The following MTF2 variants were observed in gnomAD, a reference collection of about 807,000 sequenced individuals.
MTF2 encodes metal-response element-binding transcription factor 2.
Under a neutral mutation model 79.5 loss-of-function variants are expected in MTF2, and 11 were observed. That is an observed-to-expected ratio of 0.14 (90% CI 0.09 to 0.23). The LOEUF (loss-of-function observed/expected upper bound fraction) is 0.23. Ranked by LOEUF, MTF2 falls within the 10% of genes least tolerant of loss-of-function variation. The pLI is 1.00. For missense variants in MTF2, 486 were observed against 711.2 expected (o/e 0.68, Z 3.60); for synonymous variants, 208 against 232.8 (o/e 0.89, Z 0.97).
At chr1:93,101,574 T>TTTTTTTG (rs1655540693) in intron 1 of MTF2, among the ~76,000 whole-genome samples, 3 of 88,258 alleles carry the variant, frequency 3.4e-5, no homozygotes, top group Admixed American at 1.2e-4. Context: ...GCTGGTTTTT[T>TTTTTTTG]TTTTTTTTTT....
chr1:93,088,436 A>G (rs1043719688), intron 1 of MTF2, among the ~76,000 whole-genome samples: 6 of 152,184 alleles, frequency 3.9e-5, no homozygotes, highest in African/African-American at 1.4e-4. Flanking sequence ...GGGTATTGTG[A>G]TGTAAAGATT....
intron 3 of MTF2, among the ~76,000 whole-genome samples, chr1:93,111,893 T>C (rs1157937576): frequency 6.6e-6 from 1 of 152,184 alleles, no homozygotes; most frequent in Non-Finnish European, 1.5e-5. Context: ...TTTACTCCCC[T>C]TCCATTAGCT....
At chr1:93,120,322 G>C in intron 8 of MTF2, 1 of 190,232 alleles carries the variant, frequency 5.3e-6, no homozygotes, top group East Asian at 1.5e-4. Flanking sequence ...AAAAAAAAAA[G>C]AAGTAATTCA....
intron 1 of MTF2, among the ~76,000 whole-genome samples, chr1:93,088,336 A>G (rs1270741024): frequency 3.3e-5 from 5 of 152,118 alleles, no homozygotes; most frequent in Non-Finnish European, 7.3e-5. Flanking sequence ...TGGTGTTTTA[A>G]GTCTGTAGTT....
At chr1:93,118,224 T>G in intron 6 of MTF2, 121 bp from the exon 7 acceptor site, 1 of 512,200 alleles carries the variant, frequency 2.0e-6, no homozygotes, top group Non-Finnish European at 3.3e-6. Flanking sequence ...AGTAGAAATG[T>G]GATGCTTTAA....
intron 1 of MTF2, among the ~76,000 whole-genome samples, chr1:93,082,732 T>G (rs1023623402): frequency 1.3e-5 from 2 of 152,210 alleles, no homozygotes; most frequent in Admixed American, 6.5e-5. Flanking sequence ...ATGCATTCTT[T>G]GAAGGTGTAC....
At chr1:93,134,217 T>C in intron 14 of MTF2, 22 bp downstream of exon 14, 1 of 1,441,264 alleles carries the variant, frequency 6.9e-7, no homozygotes, top group Non-Finnish European at 9.6e-7. Context: ...ACATTCTTAT[T>C]TTTTTTACTT....
intron 1 of MTF2, among the ~76,000 whole-genome samples, chr1:93,083,300 G>T (rs1000690603): frequency 6.6e-6 from 1 of 152,176 alleles, no homozygotes; most frequent in Admixed American, 6.5e-5. Flanking sequence ...CAATGTTGGG[G>T]GTTACAATTT....
chr1:93,122,902 GTT>G (rs1656536656), intron 9 of MTF2, among the ~76,000 whole-genome samples: 1 of 151,970 alleles, frequency 6.6e-6, no homozygotes, highest in Admixed American at 6.6e-5. Context: ...TTTATTCAGT[GTT>G]TTTCATTTAG....
At chr1:93,106,747 C>A (rs944063481) in intron 1 of MTF2, among the ~76,000 whole-genome samples, 1 of 152,120 alleles carries the variant, frequency 6.6e-6, no homozygotes, top group Non-Finnish European at 1.5e-5. Context: ...TCTTGAACTC[C>A]CAGCCTCAGG....
At chr1:93,119,707 A>C (rs1187662316) in intron 8 of MTF2, 1 of 221,032 alleles carries the variant, frequency 4.5e-6, no homozygotes, top group East Asian at 1.0e-4. Flanking sequence ...TAGAAGAGAG[A>C]TAGGTATAAC....
Position 93,138,352 on chromosome 1 carries a change from T to C in MTF2, c.*1325T>C, listed in dbSNP as rs1239525457. 1.3e-5 allele frequency: 2 copies of C among 152,198 alleles called. No individual in the cohort carries two copies. Among genetic ancestry groups the C allele is most frequent in the Admixed American group, 1.3e-4 (2 of 15,284 alleles). The allele number at this position is 152,198 out of a possible 1,614,324, so 9.4% of individuals were successfully genotyped here. ...TTTTGGTGGCTATTCATTTTACTTT[T>C]AAAAGTGATTGGTGGATTTTAGACT... On this transcript the variant is annotated 3_prime_UTR_variant, in exon 15 of 15. Coordinates refer to ENST00000370298, the MANE Select transcript of MTF2 (RefSeq NM_007358.4).
chr1:93,120,390 C>A, intron 8 of MTF2, 159 bp from the exon 9 acceptor site: 1 of 451,294 alleles, frequency 2.2e-6, no homozygotes, highest in Non-Finnish European at 3.6e-6. Flanking sequence ...TCACTATTTT[C>A]TAGTTATTTT....
intron 1 of MTF2, among the ~76,000 whole-genome samples, chr1:93,084,898 A>G (rs1654773377): frequency 6.6e-6 from 1 of 152,136 alleles, no homozygotes; most frequent in Admixed American, 6.5e-5. Flanking sequence ...GTATTAAAAG[A>G]AATACTTTGA....
intron 3 of MTF2, among the ~76,000 whole-genome samples, chr1:93,113,572 G>A (rs1453372524): frequency 1.3e-5 from 2 of 152,138 alleles, no homozygotes; most frequent in Admixed American, 6.5e-5. Flanking sequence ...GTAATACTAT[G>A]CAGCTATTAG....
chr1:93,108,946 A>G (rs922321232), intron 1 of MTF2, among the ~76,000 whole-genome samples: 2 of 152,174 alleles, frequency 1.3e-5, no homozygotes, highest in Non-Finnish European at 2.9e-5. Context: ...TTCACTTAGC[A>G]TAATGTCTTC....
chr1:93,094,053 A>G (rs373661751), intron 1 of MTF2, among the ~76,000 whole-genome samples: 5 of 152,300 alleles, frequency 3.3e-5, no homozygotes, highest in African/African-American at 1.2e-4. Context: ...ATCTCTTTGT[A>G]AACGTAGTAT....
chr1:93,127,112 A>G (rs1656730170), intron 9 of MTF2, 120 bp from the exon 10 acceptor site: 1 of 663,840 alleles, frequency 1.5e-6, no homozygotes, highest in East Asian at 2.8e-5. Flanking sequence ...ATTAGAACTT[A>G]GATCTTCTGA....
Position 93,137,104 on chromosome 1 carries a change from T to G in MTF2, c.*77T>G. ...TTCAAAGCCCTAAAGGAGTCTGGCT[T>G]TTACTATCTTTCTTAAAAAAAAAAA... On this transcript the variant is annotated 3_prime_UTR_variant, in exon 15 of 15. Coordinates refer to ENST00000370298, the MANE Select transcript of MTF2 (RefSeq NM_007358.4). 7.9e-7 allele frequency: 1 copy of G among 1,272,944 alleles called. No individual in the cohort carries two copies. The highest frequency in any genetic ancestry group is 1.1e-6 in the Non-Finnish European group (1 of 931,046). The allele number at this position is 1,272,944 out of a possible 1,614,324, so 78.9% of individuals were successfully genotyped here.
Sources: gnomAD v4.1 joint callset for allele counts (sites outside exome capture counted in the v4.1 genomes callset) on GRCh38, gnomAD v4.1.1 for gene constraint, MANE v1.5 for transcripts, NCBI Gene and HGNC (gene_info 2026-07-23, HGNC 2026-07-21) for gene names.